Variants in CCSER1 observed in about 807,000 individuals in gnomAD.
The protein encoded by CCSER1 is serine-rich coiled-coil domain-containing protein 1.
CCSER1 carries 41 observed loss-of-function variants against 82.0 expected under a neutral mutation model. That is an observed-to-expected ratio of 0.50 (90% CI 0.39 to 0.65). The LOEUF is 0.65. Ranked by LOEUF, CCSER1 falls within the 30% of genes least tolerant of loss-of-function variation. The probability of loss-of-function intolerance (pLI) is 0.00; values close to 1 mark genes in which losing one functional copy is unlikely to be tolerated. For missense variants in CCSER1, 1,119 were observed against 1,064.2 expected, an observed-to-expected ratio of 1.05 and a Z score of -0.72; for synonymous variants, 414 against 383.9, an observed-to-expected ratio of 1.08 and a Z score of -0.92.
chr4:91,478,083 C>T (rs943892085), intron 10 of CCSER1, among the ~76,000 whole-genome samples: 17 of 151,740 alleles, frequency 1.1e-4, no homozygotes, highest in East Asian at 1.9e-4. Flanking sequence ...CCATTGCTTA[C>T]GATCATTAAA....
rs372404975 is a variant in CCSER1 at position 90,309,216 on chromosome 4, C to T, written c.932C>T (p.Thr311Met). 2.0e-5 allele frequency: 32 copies of T among 1,613,726 alleles called. No homozygotes were observed. Among genetic ancestry groups the T allele is most frequent in the Middle Eastern group, 1.6e-4 (1 of 6,084 alleles). Residue 311 changes from threonine to methionine, a missense_variant, in exon 2 of 11, where the codon ACG (threonine) becomes ATG (methionine). Coordinates refer to ENST00000509176, the MANE Select transcript of CCSER1 (RefSeq NM_001145065.2). ...AAVTKTTTEL[T>M]GTVPCAIMSP... is the part of the protein sequence containing the mutation. ...GTTACAAAGACAACAACAGAACTTA[C>T]GGGAACTGTTCCCTGTGCAATTATG...
chr4:90,337,702 A>G (rs1287759885), intron 3 of CCSER1, among the ~76,000 whole-genome samples: 2 of 152,118 alleles, frequency 1.3e-5, no homozygotes, highest in African/African-American at 2.4e-5. Context: ...GAGTTGTATC[A>G]ATTAATACTT....
At chr4:91,111,850 GA>G (rs201011412) in intron 10 of CCSER1, among the ~76,000 whole-genome samples, 5,362 of 78,982 alleles carry the variant, frequency 0.068, 420 homozygotes, top group East Asian at 0.48. Context: ...CAATAAAACA[GA>G]AAAAAAAAAA....
At chr4:90,220,992 T>A (rs992163029) in intron 1 of CCSER1, among the ~76,000 whole-genome samples, 1 of 152,208 alleles carries the variant, frequency 6.6e-6, no homozygotes, top group African/African-American at 2.4e-5. Flanking sequence ...TTTTTGCATT[T>A]TGAAGATGAT....
intron 10 of CCSER1, among the ~76,000 whole-genome samples, chr4:91,468,505 A>T (rs1400999776): frequency 1.4e-5 from 2 of 148,112 alleles, no homozygotes; most frequent in African/African-American, 5.1e-5. Flanking sequence ...CATATAATTA[A>T]AAAAAAAAGG....
At chr4:90,945,894 A>G (rs1271419852) in intron 9 of CCSER1, among the ~76,000 whole-genome samples, 1 of 152,120 alleles carries the variant, frequency 6.6e-6, no homozygotes, top group East Asian at 1.9e-4. Context: ...TCCTCACGAA[A>G]GCTATAAAGT....
intron 1 of CCSER1, among the ~76,000 whole-genome samples, chr4:90,264,700 TC>T (rs1433415101): frequency 6.6e-6 from 1 of 151,340 alleles, no homozygotes; most frequent in African/African-American, 2.4e-5. Flanking sequence ...TTTTTTTTTA[TC>T]CTGGATGGTT....
At chr4:91,466,071 T>C (rs1392115559) in intron 10 of CCSER1, among the ~76,000 whole-genome samples, 4 of 152,122 alleles carry the variant, frequency 2.6e-5, no homozygotes, top group South Asian at 4.1e-4. Flanking sequence ...TTTAGACCAA[T>C]ATCCCTGATG....
chr4:90,482,357 G>A (rs1190650063), intron 5 of CCSER1, among the ~76,000 whole-genome samples: 5 of 152,010 alleles, frequency 3.3e-5, no homozygotes, highest in Non-Finnish European at 5.9e-5. Flanking sequence ...AGGGCTTTTT[G>A]TGTCTCTATT....
intron 5 of CCSER1, among the ~76,000 whole-genome samples, chr4:90,609,486 C>G (rs3042138): frequency 0.39 from 57,672 of 149,476 alleles, 13,241 homozygotes; most frequent in African/African-American, 0.66. Flanking sequence ...TTTGATAGAA[C>G]AAAACTTATT....
chr4:91,555,862 C>T (rs769600935), intron 10 of CCSER1, among the ~76,000 whole-genome samples: 7 of 151,132 alleles, frequency 4.6e-5, no homozygotes, highest in Non-Finnish European at 8.9e-5. Flanking sequence ...ACTCATTAAT[C>T]CTTACAGCAT....
intron 7 of CCSER1, among the ~76,000 whole-genome samples, chr4:90,728,320 T>C (rs1303313581): frequency 6.6e-6 from 1 of 152,200 alleles, no homozygotes; most frequent in African/African-American, 2.4e-5. Flanking sequence ...AACTCCAAGC[T>C]TCTCTCAGAG....
At chr4:91,169,169 C>G (rs954617963) in intron 10 of CCSER1, among the ~76,000 whole-genome samples, 3 of 141,900 alleles carry the variant, frequency 2.1e-5, no homozygotes, top group African/African-American at 7.8e-5. Context: ...ATCCCCCTCT[C>G]CGAGAAACAC....
At chr4:91,228,681 G>A (rs1417483431) in intron 10 of CCSER1, among the ~76,000 whole-genome samples, 3 of 151,936 alleles carry the variant, frequency 2.0e-5, no homozygotes, top group Non-Finnish European at 4.4e-5. Flanking sequence ...CTTTTGTATT[G>A]TTTGATTTCT....
At chr4:90,157,693 C>T (rs563094889) in intron 1 of CCSER1, among the ~76,000 whole-genome samples, 13 of 150,908 alleles carry the variant, frequency 8.6e-5, no homozygotes, top group African/African-American at 2.2e-4. Context: ...GCATTCTTCA[C>T]GTAGTTCTTG....
At chr4:90,424,133 A>G (rs1331842971) in intron 4 of CCSER1, among the ~76,000 whole-genome samples, 1 of 151,914 alleles carries the variant, frequency 6.6e-6, no homozygotes, top group Non-Finnish European at 1.5e-5. Context: ...TATTTTTTAC[A>G]TCTATGATAT....
intron 10 of CCSER1, among the ~76,000 whole-genome samples, chr4:91,393,331 A>G (rs914055730): frequency 3.3e-5 from 5 of 152,134 alleles, no homozygotes; most frequent in African/African-American, 1.2e-4. Flanking sequence ...TCCTGAACAA[A>G]AAGAGTATTT....
intron 8 of CCSER1, among the ~76,000 whole-genome samples, chr4:90,909,461 G>A (rs536527040): frequency 2.0e-5 from 3 of 152,044 alleles, no homozygotes; most frequent in Non-Finnish European, 4.4e-5. Flanking sequence ...CTGGGGTGGA[G>A]GCAGTAGATA....
chr4:91,349,465 C>T (rs1748318523), intron 10 of CCSER1, among the ~76,000 whole-genome samples: 1 of 152,102 alleles, frequency 6.6e-6, no homozygotes, highest in Non-Finnish European at 1.5e-5. Context: ...TAAAGTCTTA[C>T]ATTAGGCCTC....
Sources: gnomAD v4.1 joint callset for allele counts (sites outside exome capture counted in the v4.1 genomes callset) on GRCh38, gnomAD v4.1.1 for gene constraint, MANE v1.5 for transcripts, NCBI Gene and HGNC (gene_info 2026-07-23, HGNC 2026-07-21) for gene names.